Variants in COL19A1 observed in about 807,000 individuals in gnomAD.
COL19A1 encodes the protein collagen alpha-1(XIX) chain.
COL19A1 carries 159 observed loss-of-function variants against 190.2 expected under a neutral mutation model. That is an observed-to-expected ratio of 0.84 (90% CI 0.73 to 0.95). The LOEUF (loss-of-function observed/expected upper bound fraction) is 0.95. Among genes scored for constraint, COL19A1 ranks in the 40% least tolerant of loss-of-function variants. COL19A1 has a pLI of 0.00. For synonymous variants in COL19A1, 509 were observed against 458.9 expected, an observed-to-expected ratio of 1.11 and a Z score of -1.39; for missense variants, 1,418 against 1,431.9, an observed-to-expected ratio of 0.99 and a Z score of 0.16.
chr6:69,881,699 T>C (rs2149946799), intron 2 of COL19A1, among the ~76,000 whole-genome samples: 1 of 152,364 alleles, frequency 6.6e-6, no homozygotes, highest in East Asian at 1.9e-4. Flanking sequence ...CAAGATTCAC[T>C]TAACATGAAG....
In COL19A1 at chr6:70,166,464, A is replaced by T. The variant is rs1765165870; in HGVS notation, c.2445+479A>T. ...TGAACAAAAAGTACAAGAGGCATCG[A>T]TGTTTTCATTATTGTGATTGAGACA... On this transcript the variant is annotated intron_variant, in intron 37 of 50. Coordinates refer to ENST00000620364, the MANE Select transcript of COL19A1 (RefSeq NM_001858.6). 2.0e-5 allele frequency among the ~76,000 whole-genome samples: 3 copies of T among 152,346 alleles called. No homozygotes were observed. In the South Asian group the frequency reaches 6.2e-4, roughly 32 times the overall value.
intron 11 of COL19A1, among the ~76,000 whole-genome samples, chr6:69,984,899 G>C (rs1459977531): frequency 6.6e-6 from 1 of 152,104 alleles, no homozygotes; most frequent in African/African-American, 2.4e-5. Context: ...ATTTCCATAG[G>C]AGATTGATAA....
At chr6:70,187,895 A>G (rs982678312) in intron 46 of COL19A1, among the ~76,000 whole-genome samples, 180 bp from the exon 47 acceptor site, 1 of 152,186 alleles carries the variant, frequency 6.6e-6, no homozygotes, top group African/African-American at 2.4e-5. Context: ...AAATCGCCCT[A>G]TCTAATGGAT....
chr6:70,105,392 G>A (rs1433738842), intron 16 of COL19A1, among the ~76,000 whole-genome samples: 2 of 152,002 alleles, frequency 1.3e-5, no homozygotes, highest in Non-Finnish European at 2.9e-5. Context: ...TCTTGACCTC[G>A]TGATCCACTC....
In COL19A1 at chr6:69,935,437, A is replaced by G. The variant is rs555715463; in HGVS notation, c.748-1348A>G. ...AAGTGGGTCTTGGTTATCTGACTGG[A>G]AAGCCATGAGGTAAGAACTGGCTGA... is the stretch of plus-strand genomic sequence containing the variant. On this transcript the variant is annotated intron_variant, in intron 7 of 50. Transcript: ENST00000620364. Among the ~76,000 whole-genome samples the G allele has an allele frequency of 1.5e-4, 23 of 152,198 alleles. No homozygotes were observed. The South Asian group carries it at 4.8e-3, about 32-fold the overall frequency.
chr6:70,160,771 C>T (rs976661480), intron 34 of COL19A1, among the ~76,000 whole-genome samples: 11 of 151,984 alleles, frequency 7.2e-5, no homozygotes, highest in African/African-American at 2.2e-4. Flanking sequence ...ATCTATTTGT[C>T]GTGATAAAAT....
intron 14 of COL19A1, among the ~76,000 whole-genome samples, chr6:70,049,944 A>G (rs553821812): frequency 1.3e-5 from 2 of 152,212 alleles, no homozygotes; most frequent in East Asian, 3.9e-4. Context: ...ATGGAACTAA[A>G]AAATGATTGG....
chr6:70,108,736 G>A (rs939002105), intron 16 of COL19A1, among the ~76,000 whole-genome samples: 1 of 151,962 alleles, frequency 6.6e-6, no homozygotes, highest in Non-Finnish European at 1.5e-5. Flanking sequence ...AAACTCTGCA[G>A]CATTAATTTT....
chr6:69,976,556 TA>T (rs1333542903), intron 11 of COL19A1, among the ~76,000 whole-genome samples: 3 of 152,088 alleles, frequency 2.0e-5, no homozygotes, highest in Non-Finnish European at 4.4e-5. Flanking sequence ...AGTGAGTACA[TA>T]ACGCTCCCTA....
chr6:70,169,364 T>C (rs1383793357), intron 40 of COL19A1, among the ~76,000 whole-genome samples: 3 of 152,190 alleles, frequency 2.0e-5, no homozygotes, highest in Admixed American at 1.3e-4. Flanking sequence ...CATTTGTATA[T>C]ATTTTAACCT....
At chr6:70,172,081 A>G (rs1765532912) in intron 41 of COL19A1, 64 bp downstream of exon 41, 2 of 1,498,184 alleles carry the variant, frequency 1.3e-6, no homozygotes, top group Admixed American at 1.8e-5. Flanking sequence ...CTGAGCACCT[A>G]ATGTGCCAAA....
At chr6:70,000,030 C>A (rs543575014) in intron 11 of COL19A1, among the ~76,000 whole-genome samples, 1 of 152,272 alleles carries the variant, frequency 6.6e-6, no homozygotes, top group South Asian at 2.1e-4. Flanking sequence ...CATCCCTCAA[C>A]AGCCCCTGGC....
intron 18 of COL19A1, among the ~76,000 whole-genome samples, chr6:70,132,982 T>G (rs1785615882): frequency 6.6e-6 from 1 of 152,182 alleles, no homozygotes; most frequent in Non-Finnish European, 1.5e-5. Flanking sequence ...AAAACACATA[T>G]AAAGCCCTCA....
chr6:70,187,173 C>A (rs1766578038), intron 46 of COL19A1, among the ~76,000 whole-genome samples: 3 of 152,178 alleles, frequency 2.0e-5, no homozygotes, highest in Admixed American at 6.5e-5. Flanking sequence ...AGCCACCGCG[C>A]CTGGCCCAAC....
At chr6:70,190,486 A>G (rs1766797490) in intron 48 of COL19A1, 105 bp downstream of exon 48, 4 of 755,218 alleles carry the variant, frequency 5.3e-6, no homozygotes, top group South Asian at 1.7e-5. Flanking sequence ...CCATGCCACA[A>G]AAACCTTAAG....
At chr6:69,966,387 A>T (rs891546882) in intron 11 of COL19A1, among the ~76,000 whole-genome samples, 1 of 152,254 alleles carries the variant, frequency 6.6e-6, no homozygotes, top group African/African-American at 2.4e-5. Flanking sequence ...CTGTGTAGAA[A>T]GAAGTAGACA....
chr6:70,207,749 G>C lies in COL19A1; in HGVS notation c.*475G>C, dbSNP rs1235218304. 6.6e-6 allele frequency: 1 copy of C among 152,006 alleles called. No individual in the cohort carries two copies. Among genetic ancestry groups the C allele is most frequent in the African/African-American group, 2.4e-5 (1 of 41,366 alleles). The allele number at this position is 152,006 out of a possible 1,614,324, so 9.4% of individuals were successfully genotyped here. The stretch of plus-strand genomic sequence containing the variant: ...TTTTTTGATATAGTGCATTGCTCCT[G>C]TTGAATGTTTTTTGACTACTTTTTA... On this transcript the variant is annotated 3_prime_UTR_variant, in exon 51 of 51. Coordinates refer to ENST00000620364, the MANE Select transcript of COL19A1 (RefSeq NM_001858.6).
At position 69,903,202 on chromosome 6, in the gene COL19A1, C is replaced by T. The variant is rs936154317; in HGVS notation, c.266+2864C>T. On this transcript the variant is annotated intron_variant, in intron 4 of 50. Coordinates refer to ENST00000620364, the MANE Select transcript of COL19A1 (RefSeq NM_001858.6). ...ACTTTATCTACACCTGGTTTTAAAC[C>T]ATATGTTGTCAGTGTTAGGCTGGAC... Among the ~76,000 whole-genome samples, 4 of 152,166 alleles carry T rather than the reference C, an allele frequency of 2.6e-5. No individual in the cohort carries two copies. In the South Asian group the frequency reaches 8.3e-4, roughly 32 times the overall value.
At chr6:69,933,758 C>T (rs1772930727) in intron 7 of COL19A1, among the ~76,000 whole-genome samples, 1 of 151,966 alleles carries the variant, frequency 6.6e-6, no homozygotes. Context: ...AAGTACAATT[C>T]AGACTCAGTA....
Sources: gnomAD v4.1 joint callset for allele counts (sites outside exome capture counted in the v4.1 genomes callset) on GRCh38, gnomAD v4.1.1 for gene constraint, MANE v1.5 for transcripts, NCBI Gene and HGNC (gene_info 2026-07-23, HGNC 2026-07-21) for gene names.